Variants in USP8 observed in about 807,000 individuals in gnomAD.
USP8 encodes ubiquitin carboxyl-terminal hydrolase 8.
USP8 carries 27 observed loss-of-function variants against 130.0 expected under a neutral mutation model. That is an observed-to-expected ratio of 0.21 (90% confidence interval 0.15 to 0.29). The LOEUF (loss-of-function observed/expected upper bound fraction) is 0.29, where lower values mean the gene tolerates loss of function less well. Ranked by LOEUF, USP8 falls within the 10% of genes least tolerant of loss-of-function variation. The pLI, the probability that USP8 is intolerant of heterozygous loss-of-function variation, is 1.00. For synonymous variants in USP8, 392 were observed against 444.1 expected (o/e 0.88, Z 1.48); for missense variants, 1,029 against 1,312.2 (o/e 0.78, Z 3.33).
chr15:50,428,221 A>G (rs1242592354), intron 1 of USP8, among the ~76,000 whole-genome samples: 1 of 151,986 alleles, frequency 6.6e-6, no homozygotes, highest in Non-Finnish European at 1.5e-5. Context: ...GGTTCAAGCA[A>G]TTCTCCTGCC....
intron 6 of USP8, among the ~76,000 whole-genome samples, 170 bp from the exon 7 acceptor site, chr15:50,464,877 A>G (rs928063032): frequency 6.6e-6 from 1 of 152,204 alleles, no homozygotes. Context: ...AGTTGTATTT[A>G]ATGTTAGTTT....
At chr15:50,451,545 C>T (rs1029821231) in intron 4 of USP8, among the ~76,000 whole-genome samples, 1 of 152,228 alleles carries the variant, frequency 6.6e-6, no homozygotes, top group African/African-American at 2.4e-5. Flanking sequence ...TAAATAACCT[C>T]TGGGTCCTTT....
intron 1 of USP8, among the ~76,000 whole-genome samples, chr15:50,437,203 A>G (rs1371772793): frequency 6.6e-6 from 1 of 152,178 alleles, no homozygotes; most frequent in East Asian, 1.9e-4. Context: ...GTTATAAAGC[A>G]TGATACTAAA....
At chr15:50,466,155 G>T (rs559099433) in intron 7 of USP8, among the ~76,000 whole-genome samples, 1 of 152,098 alleles carries the variant, frequency 6.6e-6, no homozygotes, top group African/African-American at 2.4e-5. Flanking sequence ...GCATTCTTAT[G>T]CAGATCCTAT....
intron 12 of USP8, among the ~76,000 whole-genome samples, chr15:50,484,642 C>T (rs1196178155): frequency 6.6e-6 from 1 of 152,216 alleles, no homozygotes; most frequent in African/African-American, 2.4e-5. Context: ...AGCAATTCTA[C>T]TTCAGGGTAT....
At chr15:50,475,296 CAT>C (rs1405054573) in intron 8 of USP8, among the ~76,000 whole-genome samples, 1 of 151,958 alleles carries the variant, frequency 6.6e-6, no homozygotes, top group Non-Finnish European at 1.5e-5. Context: ...ATAGTTAAGT[CAT>C]AGAACAATAT....
Position 50,503,752 on chromosome 15 carries a change from A to G in USP8, c.*4664A>G, listed in dbSNP as rs904974130. The G allele has an allele frequency of 3.9e-5, 6 of 152,212 alleles. No individual in the cohort carries two copies. Among genetic ancestry groups the G allele is most frequent in the Non-Finnish European group, 8.8e-5 (6 of 68,046 alleles). 9.4% of individuals were successfully genotyped at this position (152,212 alleles called of 1,614,324 possible). On this transcript the variant is annotated 3_prime_UTR_variant, in exon 20 of 20. Coordinates refer to ENST00000307179, the MANE Select transcript of USP8 (RefSeq NM_005154.5). ...TAGGGCAGTTGCCAGAAGGAAACAG[A>G]ATTTCTAGATTGTTGCATGTTAACT... is the stretch of plus-strand genomic sequence containing the variant.
chr15:50,495,704 TGCCACACTCA>T, intron 16 of USP8, 134 bp from the exon 17 acceptor site: 1 of 606,482 alleles, frequency 1.6e-6, no homozygotes, highest in African/African-American at 1.9e-5. Flanking sequence ...AATTATTTTT[TGCCACACTCA>T]GTGAGATCAG....
At chr15:50,458,195 A>G (rs1380827668) in intron 4 of USP8, among the ~76,000 whole-genome samples, 1 of 152,168 alleles carries the variant, frequency 6.6e-6, no homozygotes, top group African/African-American at 2.4e-5. Context: ...TCTGTTACCT[A>G]GGCTGGAGTG....
chr15:50,489,962 G>A (rs774168250), intron 13 of USP8, 81 bp downstream of exon 13: 338 of 1,182,482 alleles, frequency 2.9e-4, no homozygotes, highest in Non-Finnish European at 3.8e-4. Context: ...CTTCTGTAAT[G>A]CAGAGTCAAT....
At position 50,456,705 on chromosome 15, in the gene USP8, G is replaced by A. The variant is rs554660852; in HGVS notation, c.336-2295G>A. Reference sequence around the variant, plus strand: ...GTTCGAGACCAGCCTGGCCAACATGGTGAGACCCCTTTTCTACTAAAAATG... The same window carrying A: ...GTTCGAGACCAGCCTGGCCAACATGATGAGACCCCTTTTCTACTAAAAATG... On this transcript the variant is annotated intron_variant, in intron 4 of 19. Coordinates refer to ENST00000307179, the MANE Select transcript of USP8 (RefSeq NM_005154.5). Among the ~76,000 whole-genome samples, 55 of 152,216 alleles carry A rather than the reference G, an allele frequency of 3.6e-4. 1 individual carries two copies. Among genetic ancestry groups the A allele is most frequent in the Admixed American group, 5.9e-4 (9 of 15,268 alleles).
chr15:50,456,362 G>A (rs2050789397), intron 4 of USP8, among the ~76,000 whole-genome samples: 1 of 147,600 alleles, frequency 6.8e-6, no homozygotes, highest in South Asian at 2.2e-4. Flanking sequence ...ACAAGGTCAG[G>A]AGTTCAAGAC....
intron 12 of USP8, among the ~76,000 whole-genome samples, chr15:50,487,557 C>T (rs1369494934): frequency 2.0e-5 from 3 of 152,226 alleles, no homozygotes; most frequent in African/African-American, 2.4e-5. Flanking sequence ...ACACCAGCTA[C>T]AGCCAAGGTC....
In USP8 at chr15:50,499,868, A is replaced by T. The variant is rs2052548686; in HGVS notation, c.*780A>T. On this transcript the variant is annotated 3_prime_UTR_variant, in exon 20 of 20. Coordinates refer to ENST00000307179, the MANE Select transcript of USP8 (RefSeq NM_005154.5). ...ATTTTATATACACACGTGCTATATA[A>T]TAACACCCAGAGTCATTCTTTCAAG... The T allele has an allele frequency of 6.6e-6, 1 of 152,168 alleles. No homozygotes were observed. The highest frequency in any genetic ancestry group is 6.6e-5 in the Admixed American group (1 of 15,264). The allele number at this position is 152,168 out of a possible 1,614,324, so 9.4% of individuals were successfully genotyped here.
rs77029724 is a variant in USP8 at position 50,503,419 on chromosome 15, T to C, written c.*4331T>C. 7.3e-3 allele frequency: 1,112 copies of C among 152,314 alleles called. 9 individuals are homozygous for C. The highest frequency in any genetic ancestry group is 0.013 in the Non-Finnish European group (880 of 68,052). 9.4% of individuals were successfully genotyped at this position (152,314 alleles called of 1,614,324 possible). A position where few individuals can be genotyped will look rare whatever the true frequency, so the allele number is the denominator to read the frequency against. On this transcript the variant is annotated 3_prime_UTR_variant, in exon 20 of 20. Coordinates refer to ENST00000307179, the MANE Select transcript of USP8 (RefSeq NM_005154.5). ...GACAGTCCCTAGTTTCTGTAACCAG[T>C]ATGCTCGGGTTTTAAAGGTCACGCA...
intron 8 of USP8, among the ~76,000 whole-genome samples, chr15:50,472,337 T>G (rs2051405683): frequency 6.6e-6 from 1 of 151,990 alleles, no homozygotes; most frequent in Admixed American, 6.6e-5. Context: ...GGCTCAAGCC[T>G]GTAACCCCAG....
chr15:50,489,941 T>C (rs2052098428), intron 13 of USP8, 60 bp downstream of exon 13: 5 of 1,343,698 alleles, frequency 3.7e-6, no homozygotes, highest in African/African-American at 1.5e-5. Flanking sequence ...TTTTATTTGT[T>C]TATTTTACAT....
chr15:50,433,932 A>C (rs1447697309), intron 1 of USP8, among the ~76,000 whole-genome samples: 1 of 152,072 alleles, frequency 6.6e-6, no homozygotes, highest in East Asian at 1.9e-4. Flanking sequence ...ACTCATTTTC[A>C]ACACTTTTGG....
chr15:50,442,617 C>T (rs901872480), intron 3 of USP8, among the ~76,000 whole-genome samples: 15 of 151,824 alleles, frequency 9.9e-5, no homozygotes, highest in East Asian at 9.7e-4. Context: ...TAGTGGCGGG[C>T]GCCTGTAATC....
Sources: allele counts gnomAD v4.1 joint callset (sites outside exome capture counted in the v4.1 genomes callset), GRCh38; gene constraint gnomAD v4.1.1; transcripts MANE v1.5; gene names NCBI Gene and HGNC (gene_info 2026-07-23, HGNC 2026-07-21).